Variants in SND1 observed in about 807,000 individuals in gnomAD.
SND1 encodes staphylococcal nuclease and tudor domain containing 1.
Under a neutral mutation model 121.7 loss-of-function variants are expected in SND1, and 38 were observed. The observed-to-expected ratio is 0.31, with a 90% CI of 0.24 to 0.41. The LOEUF is 0.41. SND1 is among the 10% of genes least tolerant of loss of function. The pLI, the probability that SND1 is intolerant of heterozygous loss-of-function variation, is 1.00. For synonymous variants in SND1, 401 were observed against 447.4 expected (o/e 0.90, Z 1.31); for missense variants, 868 against 1,184.6 (o/e 0.73, Z 3.92).
intron 7 of SND1, among the ~76,000 whole-genome samples, chr7:127,704,586 C>T (rs1321433513): frequency 6.6e-6 from 1 of 152,138 alleles, no homozygotes; most frequent in African/African-American, 2.4e-5. Context: ...TTATCCTACT[C>T]CTATTAAGTG....
At chr7:127,833,286 G>C (rs1410292024) in intron 11 of SND1, among the ~76,000 whole-genome samples, 1 of 136,794 alleles carries the variant, frequency 7.3e-6, no homozygotes, top group African/African-American at 2.7e-5. Context: ...TTTTTAATGA[G>C]ATGGAGTCTT....
At chr7:127,789,575 A>G (rs1349870664) in intron 10 of SND1, among the ~76,000 whole-genome samples, 1 of 152,206 alleles carries the variant, frequency 6.6e-6, no homozygotes, top group Non-Finnish European at 1.5e-5. Flanking sequence ...GCATGCTGAC[A>G]GCACCCAAAC....
intron 15 of SND1, among the ~76,000 whole-genome samples, chr7:127,980,492 T>TA (rs1157049505): frequency 1.3e-5 from 2 of 152,208 alleles, no homozygotes; most frequent in Non-Finnish European, 2.9e-5. Context: ...AGGTTTTTTT[T>TA]ATTCATGCTC....
chr7:128,071,534 C>T (rs982677218), intron 16 of SND1, among the ~76,000 whole-genome samples: 10 of 152,184 alleles, frequency 6.6e-5, no homozygotes, highest in Admixed American at 2.6e-4. Context: ...CATAATGTTA[C>T]AGTTAAGTCA....
Position 127,852,718 on chromosome 7 carries a change from G to A in SND1, c.1343+8294G>A, listed in dbSNP as rs186662524. 1.2e-3 allele frequency among the ~76,000 whole-genome samples: 177 copies of A among 151,618 alleles called. 1 individual carries two copies. Among genetic ancestry groups the A allele is most frequent in the Admixed American group, 0.011 (171 of 15,236 alleles). The stretch of plus-strand genomic sequence containing the variant: ...CCCAGCTGCTCAAGAGGTTGAGGTG[G>A]TATAATCACTCAAACCCAGGAGGCG... On this transcript the variant is annotated intron_variant, in intron 12 of 23. Transcript: ENST00000354725.
intron 1 of SND1, among the ~76,000 whole-genome samples, chr7:127,678,427 T>C (rs1795651840): frequency 6.6e-6 from 1 of 152,184 alleles, no homozygotes; most frequent in African/African-American, 2.4e-5. Flanking sequence ...CAACTTGTGC[T>C]TGTACCTGTT....
intron 13 of SND1, among the ~76,000 whole-genome samples, chr7:127,895,114 T>G (rs2116745614): frequency 6.6e-6 from 1 of 152,210 alleles, no homozygotes; most frequent in Non-Finnish European, 1.5e-5. Flanking sequence ...CTGAAATTCA[T>G]CTTCTCTGTC....
intron 10 of SND1, among the ~76,000 whole-genome samples, chr7:127,738,862 C>T (rs1362093336): frequency 6.6e-6 from 1 of 152,182 alleles, no homozygotes; most frequent in African/African-American, 2.4e-5. Flanking sequence ...ACTCATTCTT[C>T]CTACCTTCCT....
chr7:127,894,809 C>CTT (rs11302537), intron 13 of SND1, among the ~76,000 whole-genome samples: 1 of 141,572 alleles, frequency 7.1e-6, no homozygotes, highest in Admixed American at 7.1e-5. Flanking sequence ...CTCTTTATTC[C>CTT]TTTTTTTTTT....
chr7:127,780,848 T>G (rs1797707170), intron 10 of SND1, among the ~76,000 whole-genome samples: 1 of 152,180 alleles, frequency 6.6e-6, no homozygotes, highest in African/African-American at 2.4e-5. Context: ...CACAGTGCAC[T>G]GGGGATTTAG....
chr7:127,696,917 TTAAAGA>T (rs1265790402), intron 3 of SND1, among the ~76,000 whole-genome samples: 1 of 152,228 alleles, frequency 6.6e-6, no homozygotes, highest in Non-Finnish European at 1.5e-5. Context: ...TCTTTCCATT[TTAAAGA>T]TAAAGAAATA....
chr7:127,841,243 C>G (rs1281293096), intron 11 of SND1, among the ~76,000 whole-genome samples: 3 of 152,020 alleles, frequency 2.0e-5, no homozygotes, highest in South Asian at 2.1e-4. Flanking sequence ...TTGGGAGGCA[C>G]AAGGTAACCT....
chr7:127,870,653 A>G (rs1406966121), intron 12 of SND1, among the ~76,000 whole-genome samples: 1 of 152,216 alleles, frequency 6.6e-6, no homozygotes, highest in Non-Finnish European at 1.5e-5. Context: ...AAATTAGAGT[A>G]TAAAAGGTAC....
At chr7:127,998,215 C>T (rs1408659021) in intron 16 of SND1, 5 of 317,006 alleles carry the variant, frequency 1.6e-5, no homozygotes, top group Middle Eastern at 1.1e-3. Flanking sequence ...GCTCTCCAAG[C>T]TTGGCATTTG....
At chr7:128,034,023 G>A (rs1792703023) in intron 16 of SND1, among the ~76,000 whole-genome samples, 1 of 152,204 alleles carries the variant, frequency 6.6e-6, no homozygotes, top group South Asian at 2.1e-4. Context: ...CCATTTCACA[G>A]ATGAAGGCAC....
intron 15 of SND1, among the ~76,000 whole-genome samples, chr7:127,929,931 A>G (rs1044449838): frequency 5.3e-5 from 8 of 152,200 alleles, no homozygotes; most frequent in Non-Finnish European, 7.3e-5. Context: ...GTCTTACCCT[A>G]TCTTTTCTGG....
At chr7:127,780,360 G>A (rs908405208) in intron 10 of SND1, among the ~76,000 whole-genome samples, 2 of 152,226 alleles carry the variant, frequency 1.3e-5, no homozygotes, top group Admixed American at 1.3e-4. Context: ...GGAGGAAGCA[G>A]TGAGATGGGT....
intron 10 of SND1, among the ~76,000 whole-genome samples, chr7:127,735,381 C>G (rs1562995126): frequency 6.6e-6 from 1 of 152,064 alleles, no homozygotes; most frequent in Non-Finnish European, 1.5e-5. Flanking sequence ...GAAAATATTT[C>G]CTACAACCAC....
At chr7:128,057,672 G>T (rs187463176) in intron 16 of SND1, among the ~76,000 whole-genome samples, 1 of 152,128 alleles carries the variant, frequency 6.6e-6, no homozygotes, top group East Asian at 1.9e-4. Context: ...AATTTCTGCC[G>T]AATCTCGCTA....
Sources: allele counts gnomAD v4.1 joint callset (sites outside exome capture counted in the v4.1 genomes callset), GRCh38; gene constraint gnomAD v4.1.1; transcripts MANE v1.5; gene names NCBI Gene and HGNC (gene_info 2026-07-23, HGNC 2026-07-21).